Variants in PDE9A observed in about 807,000 individuals in gnomAD.
PDE9A encodes phosphodiesterase 9A, also known as high affinity cGMP-specific 3',5'-cyclic phosphodiesterase 9A.
Under a neutral mutation model 87.4 loss-of-function variants are expected in PDE9A, and 60 were observed. The ratio of observed to expected loss-of-function variants is 0.69; its 90% confidence interval spans 0.56 to 0.85. PDE9A has a LOEUF of 0.85. PDE9A is among the 40% of genes least tolerant of loss of function. The probability of loss-of-function intolerance (pLI) is 0.00; values close to 1 mark genes in which losing one functional copy is unlikely to be tolerated. For synonymous variants in PDE9A, 272 were observed against 279.4 expected (o/e 0.97, Z 0.27); for missense variants, 665 against 779.0 (o/e 0.85, Z 1.74).
rs61523493 is a variant in PDE9A, at chr21:42,717,900, G to GGGTTGTTT, written c.263-13869_263-13868insGTTGTTTG. 3.3e-5 allele frequency among the ~76,000 whole-genome samples: 5 copies of GGGTTGTTT among 150,790 alleles called. 1 individual carries two copies. The highest frequency in any genetic ancestry group is 2.4e-5 in the African/African-American group (1 of 41,090). On this transcript the variant is annotated intron_variant, in intron 4 of 19. Coordinates refer to ENST00000291539, the MANE Select transcript of PDE9A (RefSeq NM_002606.3). ...TTTCTTCTCTGGCTGCTTTCTTTGG[G>GGGTTGTTT]GTTTGTTTGTTTGTTTGTTTGTTTT...
At position 42,705,088 on chromosome 21, in the gene PDE9A, G is replaced by A. The variant is rs953796804; in HGVS notation, c.262+6077G>A. ...TCCTGCCAGGAAAGAGCATGGCACA[G>A]CCTCGTTCTCCAGCGTAGAGTAGAA... On this transcript the variant is annotated intron_variant, in intron 4 of 19. Coordinates refer to ENST00000291539, the MANE Select transcript of PDE9A (RefSeq NM_002606.3). This position sits in a 1 kb window ranked among gnomAD's most constrained non-coding sequence, Gnocchi z 4.3. Among the ~76,000 whole-genome samples the A allele has an allele frequency of 4.6e-5, 7 of 152,184 alleles. No homozygotes were observed. Among genetic ancestry groups the A allele is most frequent in the Non-Finnish European group, 1.0e-4 (7 of 68,040 alleles).
Position 42,743,779 on chromosome 21 carries a change from A to T in PDE9A, c.572A>T (p.Glu191Val). Residue 191 changes from glutamate to valine, a missense_variant, in exon 8 of 20, where the codon GAA becomes GTA. Transcript: ENST00000291539. ...LAVLEKRVEL[E>V]GLKVVEIEKC... ...CTGTCTCTCTCTCTGTCACCAGTGG[A>T]AGGACTAAAAGTGGTGGAGATTGAG... The T allele has an allele frequency of 6.3e-7, 1 of 1,581,580 alleles. No homozygotes were observed. Among genetic ancestry groups the T allele is most frequent in the South Asian group, 1.1e-5 (1 of 87,044 alleles).
chr21:42,657,205 G>A (rs564996391), intron 1 of PDE9A, among the ~76,000 whole-genome samples: 9 of 152,326 alleles, frequency 5.9e-5, no homozygotes, highest in Non-Finnish European at 1.0e-4. Context: ...TGAAGGGCTG[G>A]GGACAGCCTC....
intron 7 of PDE9A, among the ~76,000 whole-genome samples, chr21:42,738,537 G>A (rs552622134): frequency 7.4e-4 from 112 of 151,986 alleles, no homozygotes; most frequent in Middle Eastern, 3.4e-3. Flanking sequence ...CCTCCGGCTC[G>A]GCTCTCTCTG....
chr21:42,663,055 ACAC>A (rs972758552), intron 1 of PDE9A, among the ~76,000 whole-genome samples: 19 of 144,510 alleles, frequency 1.3e-4, no homozygotes, highest in Admixed American at 2.7e-4. Flanking sequence ...ATACATGCAC[ACAC>A]CACACTTACA....
rs1348792720 is a variant in PDE9A, at chr21:42,739,273, C to T, written c.569-4503C>T. ...GGGCCGTCCTGCTGCTGTCTGCAGA[C>T]CTCTCAGGCTTGAGGCCCCCCGCCC... is the stretch of plus-strand genomic sequence containing the variant. On this transcript the variant is annotated intron_variant, in intron 7 of 19. Transcript: ENST00000291539. The surrounding 1 kb of genome is among the most constrained non-coding windows in gnomAD (Gnocchi z 4.1). Among the ~76,000 whole-genome samples the T allele has an allele frequency of 6.6e-6, 1 of 152,232 alleles. No homozygotes were observed. Among genetic ancestry groups the T allele is most frequent in the African/African-American group, 2.4e-5 (1 of 41,458 alleles).
intron 1 of PDE9A, among the ~76,000 whole-genome samples, chr21:42,662,023 C>A (rs1173776704): frequency 6.6e-6 from 1 of 152,162 alleles, no homozygotes; most frequent in Non-Finnish European, 1.5e-5. Flanking sequence ...AAGTCATTCA[C>A]CCTCTCTGTG....
Position 42,760,561 on chromosome 21 carries a change from C to A in PDE9A, c.1002+129C>A. On this transcript the variant is annotated intron_variant, in intron 12 of 19. Transcript: ENST00000291539. This position sits in a 1 kb window ranked among gnomAD's most constrained non-coding sequence, Gnocchi z 5.2. ...TGGGGTCCCCAGCCGCTCCGCCCCT[C>A]CTAGGGACGCACCCCTGCCCACCGT... 1.5e-6 allele frequency: 1 copy of A among 652,012 alleles called. No homozygotes were observed. The highest frequency in any genetic ancestry group is 2.7e-6 in the Non-Finnish European group (1 of 367,436). The allele number at this position is 652,012 out of a possible 1,614,324, so 40.4% of individuals were successfully genotyped here.
chr21:42,756,462 G>C (rs151081409), intron 10 of PDE9A, among the ~76,000 whole-genome samples: 1 of 152,200 alleles, frequency 6.6e-6, no homozygotes, highest in Non-Finnish European at 1.5e-5. Context: ...ACTTTTCTCC[G>C]AGTGGTTTGG....
chr21:42,699,672 C>G (rs1052751281), intron 4 of PDE9A, among the ~76,000 whole-genome samples: 1 of 152,074 alleles, frequency 6.6e-6, no homozygotes, highest in Non-Finnish European at 1.5e-5. Flanking sequence ...TCTCCTGCCT[C>G]ACCCTCCCAG....
Position 42,660,918 on chromosome 21 carries a change from C to G in PDE9A, c.69+7035C>G, listed in dbSNP as rs780768096. Among the ~76,000 whole-genome samples, 1 of 152,150 alleles carries G rather than the reference C, an allele frequency of 6.6e-6. No homozygotes were observed. The highest frequency in any genetic ancestry group is 2.4e-5 in the African/African-American group (1 of 41,432). On this transcript the variant is annotated intron_variant, in intron 1 of 19. Coordinates refer to ENST00000291539, the MANE Select transcript of PDE9A (RefSeq NM_002606.3). The surrounding 1 kb of genome is among the most constrained non-coding windows in gnomAD (Gnocchi z 4.7). ...TCTCCCCAAATCCCGAAGCTGGTCA[C>G]GCAACGGGAGCATTGGCCCTGAACA... is the stretch of plus-strand genomic sequence containing the variant.
In PDE9A at chr21:42,739,801, G is replaced by T. The variant is rs1335538987; in HGVS notation, c.569-3975G>T. Among the ~76,000 whole-genome samples the T allele has an allele frequency of 6.6e-6, 1 of 151,680 alleles. No individual in the cohort carries two copies. The highest frequency in any genetic ancestry group is 1.5e-5 in the Non-Finnish European group (1 of 67,960). ...TAAAACAGAGCCTTGTATGGACATG[G>T]GAAAAAAATTATAGGTTTGTTGCAA... is the stretch of plus-strand genomic sequence containing the variant. On this transcript the variant is annotated intron_variant, in intron 7 of 19. Transcript: ENST00000291539. The surrounding 1 kb of genome is among the most constrained non-coding windows in gnomAD (Gnocchi z 4.1).
At chr21:42,743,750 C>T in intron 7 of PDE9A, 26 bp from the exon 8 acceptor site, 5 of 1,460,600 alleles carry the variant, frequency 3.4e-6, no homozygotes, top group East Asian at 2.4e-5. Flanking sequence ...TGGTAACCCC[C>T]TTGCTGTCTC....
intron 1 of PDE9A, among the ~76,000 whole-genome samples, chr21:42,672,493 A>G (rs2300957): frequency 0.39 from 59,054 of 152,200 alleles, 14,598 homozygotes; most frequent in African/African-American, 0.71. Context: ...ATAAAACCAC[A>G]GAACGCAGAA....
intron 1 of PDE9A, among the ~76,000 whole-genome samples, chr21:42,664,284 C>T (rs73379626): frequency 0.056 from 8,458 of 152,270 alleles, 662 homozygotes; most frequent in African/African-American, 0.17. Flanking sequence ...GCTGATGACA[C>T]GGGGCACGTT....
intron 3 of PDE9A, among the ~76,000 whole-genome samples, chr21:42,688,335 G>A (rs2059590860): frequency 1.3e-5 from 2 of 152,032 alleles, no homozygotes; most frequent in Non-Finnish European, 2.9e-5. Flanking sequence ...GAAGGACCTC[G>A]GGAGATTCCC....
At chr21:42,725,131 C>T (rs1272037781) in intron 4 of PDE9A, among the ~76,000 whole-genome samples, 1 of 152,218 alleles carries the variant, frequency 6.6e-6, no homozygotes, top group Admixed American at 6.5e-5. Context: ...TGGCGTCCCC[C>T]ACAAGGATCC....
intron 4 of PDE9A, among the ~76,000 whole-genome samples, chr21:42,700,191 T>A (rs1343768592): frequency 6.6e-6 from 1 of 152,180 alleles, no homozygotes; most frequent in African/African-American, 2.4e-5. Flanking sequence ...AGACAGTTCA[T>A]GCTTTGTATT....
chr21:42,706,011 C>T (rs1374003376), intron 4 of PDE9A, among the ~76,000 whole-genome samples: 1 of 152,202 alleles, frequency 6.6e-6, no homozygotes. Flanking sequence ...GAGGCGCATC[C>T]GCAGAGTGCG....
Sources: gnomAD v4.1 joint callset for allele counts (sites outside exome capture counted in the v4.1 genomes callset) on GRCh38, gnomAD v4.1.1 for gene constraint, Gnocchi (gnomAD v3.1) non-coding constraint, MANE v1.5 for transcripts, NCBI Gene and HGNC (gene_info 2026-07-23, HGNC 2026-07-21) for gene names.